Variants in CSMD1 observed in about 807,000 individuals in gnomAD.
The protein encoded by CSMD1 is CUB and Sushi multiple domains 1, also known as CUB and sushi domain-containing protein 1.
CSMD1 carries 213 observed loss-of-function variants against 417.5 expected under a neutral mutation model. The observed-to-expected ratio is 0.51, with a 90% CI of 0.46 to 0.57. The LOEUF is 0.57. Among genes scored for constraint, CSMD1 ranks in the 20% least tolerant of loss-of-function variants. The pLI, the probability that CSMD1 is intolerant of heterozygous loss-of-function variation, is 0.00. For missense variants in CSMD1, 6,923 were observed against 4,529.7 expected, an observed-to-expected ratio of 1.53 and a Z score of -15.17; for synonymous variants, 2,862 against 1,736.8, an observed-to-expected ratio of 1.65 and a Z score of -16.11.
At position 4,158,031 on chromosome 8, in the gene CSMD1, C is replaced by A. The variant is rs542537624; in HGVS notation, c.416-125932G>T. Among the ~76,000 whole-genome samples, 9 of 152,104 alleles carry A rather than the reference C, an allele frequency of 5.9e-5. No individual in the cohort carries two copies. The East Asian group carries it at 1.7e-3, about 29-fold the overall frequency. On this transcript the variant is annotated intron_variant, in intron 3 of 69. Coordinates refer to ENST00000635120, the MANE Select transcript of CSMD1 (RefSeq NM_033225.6). ...ACTGCCCCCATACACGGAACCAATG[C>A]CTGCTCAAAGCTCCTGCTACCCCTA...
intron 4 of CSMD1, among the ~76,000 whole-genome samples, chr8:4,029,625 G>C (rs192038933): frequency 1.3e-5 from 2 of 152,098 alleles, no homozygotes; most frequent in African/African-American, 4.8e-5. Flanking sequence ...GTTTTGGTAG[G>C]GACACAGCCA....
intron 3 of CSMD1, among the ~76,000 whole-genome samples, chr8:4,284,380 C>A: frequency 7.3e-6 from 1 of 137,478 alleles, no homozygotes; most frequent in Admixed American, 7.2e-5. Context: ...CCCCACCCAC[C>A]CTCCCCAAAA....
intron 2 of CSMD1, among the ~76,000 whole-genome samples, chr8:4,581,155 A>G (rs1799398581): frequency 1.3e-5 from 2 of 152,376 alleles, no homozygotes; most frequent in Middle Eastern, 3.4e-3. Context: ...GATACCATCT[A>G]TGAACACAAA....
At chr8:2,941,639 T>A (rs1801881561) in intron 69 of CSMD1, among the ~76,000 whole-genome samples, 1 of 152,272 alleles carries the variant, frequency 6.6e-6, no homozygotes, top group Non-Finnish European at 1.5e-5. Flanking sequence ...TCACTAAAGT[T>A]GTTTGTCCCC....
At chr8:3,852,266 A>C (rs1803963122) in intron 5 of CSMD1, among the ~76,000 whole-genome samples, 2 of 152,126 alleles carry the variant, frequency 1.3e-5, no homozygotes, top group African/African-American at 4.8e-5. Flanking sequence ...ACCATCCTGT[A>C]GGCAGTGGAT....
chr8:3,359,683 A>T (rs189206204), intron 20 of CSMD1, among the ~76,000 whole-genome samples: 55 of 152,274 alleles, frequency 3.6e-4, no homozygotes, highest in African/African-American at 1.1e-3. Flanking sequence ...ACTTGATAGC[A>T]GAGTAAGGTG....
chr8:2,970,200 C>T (rs895823458), intron 57 of CSMD1, among the ~76,000 whole-genome samples: 5 of 152,178 alleles, frequency 3.3e-5, no homozygotes, highest in African/African-American at 1.2e-4. Flanking sequence ...TGGACTAGAA[C>T]TCATAGTGTG....
chr8:3,920,203 T>G (rs910837618), intron 5 of CSMD1, among the ~76,000 whole-genome samples: 3 of 151,946 alleles, frequency 2.0e-5, no homozygotes, highest in Non-Finnish European at 2.9e-5. Context: ...CTGGCTAACT[T>G]TTCATATTTT....
chr8:3,562,795 G>A (rs1023495670), intron 10 of CSMD1, among the ~76,000 whole-genome samples: 1 of 151,866 alleles, frequency 6.6e-6, no homozygotes. Flanking sequence ...GGGGGAAGAG[G>A]ATCGAGAAAA....
At chr8:3,865,695 C>T (rs916362920) in intron 5 of CSMD1, among the ~76,000 whole-genome samples, 8 of 152,208 alleles carry the variant, frequency 5.3e-5, no homozygotes, top group Non-Finnish European at 7.4e-5. Context: ...TAGGTTCCAA[C>T]GGAGCAGTAA....
At chr8:3,614,311 G>T (rs1001242447) in intron 8 of CSMD1, among the ~76,000 whole-genome samples, 2 of 151,736 alleles carry the variant, frequency 1.3e-5, no homozygotes, top group Non-Finnish European at 2.9e-5. Context: ...TTTCCCTGAC[G>T]GGCTATACGT....
intron 50 of CSMD1, among the ~76,000 whole-genome samples, chr8:3,037,228 C>G (rs962724118): frequency 7.0e-6 from 1 of 142,672 alleles, no homozygotes; most frequent in Non-Finnish European, 1.6e-5. Flanking sequence ...TTTTTTGAGA[C>G]GGAGTCTCGC....
At chr8:4,204,490 A>T (rs1028696277) in intron 3 of CSMD1, among the ~76,000 whole-genome samples, 1 of 152,194 alleles carries the variant, frequency 6.6e-6, no homozygotes, top group Admixed American at 6.5e-5. Flanking sequence ...AGATTGTAAA[A>T]TAAACCAGAT....
intron 7 of CSMD1, among the ~76,000 whole-genome samples, chr8:3,665,651 T>C (rs761951659): frequency 5.9e-5 from 9 of 152,170 alleles, no homozygotes; most frequent in Non-Finnish European, 1.3e-4. Context: ...TATTGAAAAA[T>C]TCCACTTAAT....
At chr8:4,234,393 T>C (rs1452510688) in intron 3 of CSMD1, among the ~76,000 whole-genome samples, 5 of 152,086 alleles carry the variant, frequency 3.3e-5, no homozygotes, top group Admixed American at 2.0e-4. Context: ...GCCACCGGCA[T>C]TCCTGAACCA....
At chr8:4,649,521 C>T (rs1225266297) in intron 1 of CSMD1, among the ~76,000 whole-genome samples, 1 of 152,194 alleles carries the variant, frequency 6.6e-6, no homozygotes, top group Non-Finnish European at 1.5e-5. Context: ...ACTTCTACCC[C>T]TGTGCTCATC....
intron 1 of CSMD1, among the ~76,000 whole-genome samples, chr8:4,743,905 G>T (rs1196159549): frequency 6.6e-6 from 1 of 152,098 alleles, no homozygotes; most frequent in African/African-American, 2.4e-5. Context: ...CAGCCAAGCC[G>T]ATTAAAGCTA....
intron 5 of CSMD1, among the ~76,000 whole-genome samples, chr8:3,785,750 G>A (rs1799424154): frequency 6.6e-6 from 1 of 152,142 alleles, no homozygotes; most frequent in Non-Finnish European, 1.5e-5. Context: ...CCAGGAGCTA[G>A]GAAGCCTATG....
chr8:3,172,697 G>A (rs6994663), intron 37 of CSMD1, among the ~76,000 whole-genome samples: 16,991 of 152,086 alleles, frequency 0.11, 1,825 homozygotes, highest in African/African-American at 0.28. Flanking sequence ...CTCAGGGGAG[G>A]TGGGAGGAAG....
Sources: allele counts gnomAD v4.1 joint callset (sites outside exome capture counted in the v4.1 genomes callset), GRCh38; gene constraint gnomAD v4.1.1; transcripts MANE v1.5; gene names NCBI Gene and HGNC (gene_info 2026-07-23, HGNC 2026-07-21).